The following THSD1 variants were observed in gnomAD, a reference collection of about 807,000 sequenced individuals.
THSD1 encodes the protein thrombospondin type 1 domain containing 1, also known as thrombospondin type-1 domain-containing protein 1.
Under a neutral mutation model 46.3 loss-of-function variants are expected in THSD1, and 34 were observed. The ratio of observed to expected loss-of-function variants is 0.74; its 90% CI spans 0.56 to 0.98. The LOEUF (loss-of-function observed/expected upper bound fraction) is 0.98, where lower values mean the gene tolerates loss of function less well. Ranked by LOEUF, THSD1 falls within the 50% of genes least tolerant of loss-of-function variation. The pLI, the probability that THSD1 is intolerant of heterozygous loss-of-function variation, is 0.00. For synonymous variants in THSD1, 407 were observed against 416.5 expected, an observed-to-expected ratio of 0.98 and a Z score of 0.28; for missense variants, 1,023 against 1,058.3, an observed-to-expected ratio of 0.97 and a Z score of 0.46.
intron 4 of THSD1, among the ~76,000 whole-genome samples, chr13:52,381,498 C>T (rs1375669208): frequency 1.3e-5 from 2 of 152,136 alleles, no homozygotes; most frequent in Non-Finnish European, 2.9e-5. Flanking sequence ...TCTAATAGGT[C>T]ACACACACAC....
chr13:52,398,413 G>T, intron 2 of THSD1: 2 of 651,772 alleles, frequency 3.1e-6, no homozygotes, highest in Non-Finnish European at 3.8e-6. Context: ...GGGACTACAG[G>T]CACATGCCAC....
Position 52,378,119 on chromosome 13 carries a change from G to T in THSD1, c.1851C>A (p.Ala617=), listed in dbSNP as rs770404962. The change falls in exon 5 of 5, where the codon GCC becomes GCA. Residue 617 remains alanine, a synonymous_variant. Transcript: ENST00000258613. ...GGATCAGAGTCTGGCTGGGGCTTATGGCACAACTGGCCTGAGTCACATTTA... is the reference window on the plus strand; with the variant it reads ...GGATCAGAGTCTGGCTGGGGCTTATTGCACAACTGGCCTGAGTCACATTTA... The part of the protein sequence containing the change: ...LDLNVTQASC[A]ISPSQTLIRK... 18 of 1,614,208 alleles carry T rather than the reference G, an allele frequency of 1.1e-5. No individual in the cohort carries two copies. The highest frequency in any genetic ancestry group is 1.5e-5 in the Non-Finnish European group (18 of 1,180,030).
intron 4 of THSD1, among the ~76,000 whole-genome samples, chr13:52,379,799 T>C (rs1288340603): frequency 6.6e-6 from 1 of 152,166 alleles, no homozygotes; most frequent in Non-Finnish European, 1.5e-5. Context: ...AAAGTCAGTG[T>C]TCACTTACGA....
intron 3 of THSD1, among the ~76,000 whole-genome samples, chr13:52,393,171 T>G (rs931441836): frequency 4.6e-5 from 7 of 152,196 alleles, no homozygotes; most frequent in African/African-American, 1.7e-4. Context: ...CTAACCTTTC[T>G]GTGCCTCCAT....
intron 4 of THSD1, among the ~76,000 whole-genome samples, chr13:52,382,043 A>C (rs575553714): frequency 6.6e-6 from 1 of 152,296 alleles, no homozygotes; most frequent in Non-Finnish European, 1.5e-5. Flanking sequence ...TTTGGTTTCA[A>C]TGAGAACATT....
In THSD1 at chr13:52,403,938, A is replaced by ATTTTT. The variant is rs67802176; in HGVS notation, c.-81-1262_-81-1258dup. On this transcript the variant is annotated intron_variant, in intron 1 of 4. Coordinates refer to ENST00000258613, the MANE Select transcript of THSD1 (RefSeq NM_018676.4). ...GTTTAAGGTCCCCCCCATTATTCAC[A>ATTTTT]TTTTTTTTTTTTTTTTTTTTTTTTT... Among the ~76,000 whole-genome samples, 157 of 63,922 alleles carry ATTTTT rather than the reference A, an allele frequency of 2.5e-3. 17 individuals are homozygous for ATTTTT. The highest frequency in any genetic ancestry group is 0.011 in the African/African-American group (146 of 12,792). The allele number at this position is 63,922 out of a possible 152,430, so 41.9% of individuals were successfully genotyped here. A position where few individuals can be genotyped will look rare whatever the true frequency, so the allele number is the denominator to read the frequency against.
chr13:52,380,042 CTT>C (rs1258868244), intron 4 of THSD1, among the ~76,000 whole-genome samples: 3 of 152,132 alleles, frequency 2.0e-5, no homozygotes, highest in African/African-American at 7.2e-5. Context: ...CATTCTCTCT[CTT>C]CTATTTTCAG....
rs778130298 is a variant in THSD1, at chr13:52,378,372, G to A, written c.1598C>T (p.Ala533Val). The change falls in exon 5 of 5, where the codon GCC becomes GTC. Residue 533 changes from alanine (A) to valine (V), a missense_variant. Coordinates refer to ENST00000258613, the MANE Select transcript of THSD1 (RefSeq NM_018676.4). ...IIPPLFSYRL[A>V]QQQLKEMKKK... is the part of the protein sequence containing the mutation. The stretch of plus-strand genomic sequence containing the variant: ...TTTCATCTCCTTTAACTGCTGCTGG[G>A]CAAGGCGGTAGCTGAACAGAGGTGG... 3 of 1,613,984 alleles carry A rather than the reference G, an allele frequency of 1.9e-6. No individual in the cohort carries two copies. The African/African-American group carries it at 4.0e-5, about 22-fold the overall frequency.
intron 3 of THSD1, among the ~76,000 whole-genome samples, chr13:52,391,915 A>G (rs531730733): frequency 1.4e-3 from 209 of 151,856 alleles, no homozygotes; most frequent in South Asian, 6.1e-3. Flanking sequence ...ATCATAGGCC[A>G]GGCACGGTGG....
At chr13:52,385,885 G>T (rs952352774) in intron 4 of THSD1, 143 bp downstream of exon 4, 1 of 678,534 alleles carries the variant, frequency 1.5e-6, no homozygotes. Flanking sequence ...CAAATACAGG[G>T]TTAGTACAAC....
intron 4 of THSD1, among the ~76,000 whole-genome samples, chr13:52,380,025 G>T (rs1317327962): frequency 2.0e-5 from 3 of 152,000 alleles, no homozygotes; most frequent in African/African-American, 7.3e-5. Context: ...AAGCGTTAAA[G>T]CCTCTGCATT....
At chr13:52,379,632 C>G (rs9536044) in intron 4 of THSD1, among the ~76,000 whole-genome samples, 11,146 of 152,096 alleles carry the variant, frequency 0.073, 560 homozygotes, top group African/African-American at 0.14. Context: ...ATGCCACCAC[C>G]CCTGGCTCAT....
In THSD1 at chr13:52,377,573, C is replaced by T. The variant is rs1172984943; in HGVS notation, c.2397G>A (p.Lys799=). Reference sequence around the variant, plus strand: ...CAGGGTGAGTGGGGAAGCTTTGACACTTGTCTTTTCTACACTGAGAAGGGC... The same window carrying T: ...CAGGGTGAGTGGGGAAGCTTTGACATTTGTCTTTTCTACACTGAGAAGGGC... ...SLSPSQCRKD[K]CQSFPTHPEF... is the part of the protein sequence containing the mutation. The change falls in exon 5 of 5, where the codon AAG becomes AAA. Residue 799 remains lysine, a synonymous_variant. Coordinates refer to ENST00000258613, the MANE Select transcript of THSD1 (RefSeq NM_018676.4). The T allele has an allele frequency of 6.2e-7, 1 of 1,600,282 alleles. No homozygotes were observed. Among genetic ancestry groups the T allele is most frequent in the Non-Finnish European group, 8.5e-7 (1 of 1,170,440 alleles).
chr13:52,403,976 C>A (rs1415763782), intron 1 of THSD1, among the ~76,000 whole-genome samples: 7 of 99,354 alleles, frequency 7.0e-5, no homozygotes, highest in Non-Finnish European at 1.1e-4. Context: ...TAGACAGAGT[C>A]TTGCTCTGTC....
intron 3 of THSD1, among the ~76,000 whole-genome samples, chr13:52,394,444 T>C (rs753506577): frequency 1.3e-5 from 2 of 151,968 alleles, no homozygotes; most frequent in Non-Finnish European, 2.9e-5. Context: ...CAAAACCCCG[T>C]CTCTACTAAA....
rs1233528019 is a variant in THSD1, at chr13:52,377,586, C to A, written c.2384G>T (p.Cys795Phe). 1.9e-6 allele frequency: 3 copies of A among 1,602,180 alleles called. No homozygotes were observed. The South Asian group carries it at 3.3e-5, about 18-fold the overall frequency. ...GAAGCTTTGACACTTGTCTTTTCTA[C>A]ACTGAGAAGGGCTCAGAGAACTGAC... is the stretch of plus-strand genomic sequence containing the variant. Reference protein sequence around the residue: ...QRVSSLSPSQCRKDKCQSFPT... With the variant: ...QRVSSLSPSQFRKDKCQSFPT... Residue 795 changes from cysteine to phenylalanine, a missense_variant, in exon 5 of 5, where the codon TGT (cysteine) becomes TTT (phenylalanine). Cys to Phe is a radical substitution (Grantham distance 205, BLOSUM62 -2). This residue lies in a region of THSD1 where 578 missense variants were observed against 497.4 expected (regional missense o/e 1.16). Transcript: ENST00000258613.
Position 52,397,443 on chromosome 13 carries a change from T to G in THSD1, c.810A>C (p.Gly270=). 1 of 1,614,128 alleles carries G rather than the reference T, an allele frequency of 6.2e-7. No homozygotes were observed. The highest frequency in any genetic ancestry group is 1.1e-5 in the South Asian group (1 of 91,074). ...VLPPPCTFVQ[G]VVTVFKEAPR... Reference sequence around the variant, plus strand: ...GGGCCTCCTTGAAGACAGTGACCACTCCTTGGACGAAGGTGCATGGTGGAG... The same window carrying G: ...GGGCCTCCTTGAAGACAGTGACCACGCCTTGGACGAAGGTGCATGGTGGAG... Residue 270 remains glycine, a synonymous_variant, in exon 3 of 5, where the codon GGA becomes GGC. Transcript: ENST00000258613.
In THSD1 at chr13:52,397,408, G is replaced by A; in HGVS notation, c.845C>T (p.Pro282Leu). The A allele has an allele frequency of 6.2e-7, 1 of 1,614,118 alleles. No individual in the cohort carries two copies. Among genetic ancestry groups the A allele is most frequent in the Non-Finnish European group, 8.5e-7 (1 of 1,180,018 alleles). The change falls in exon 3 of 5, where the codon CCT (proline) becomes CTT (leucine). Residue 282 changes from proline (P) to leucine (L), a missense_variant. By Grantham distance (98) the Pro-to-Leu change is moderately conservative. This residue lies in a region of THSD1 where 429 missense variants were observed against 518.3 expected (regional missense o/e 0.83). Transcript: ENST00000258613. ...VTVFKEAPRY[P>L]GKRTIHLAEN... ...AGCCAAGTGAATGGTCCTCTTCCCA[G>A]GGTATCTGGGGGCCTCCTTGAAGAC...
Position 52,377,899 on chromosome 13 carries a change from C to T in THSD1, c.2071G>A (p.Ala691Thr). Reference protein sequence around the residue: ...YSSRTRTCEQAEDRFRPQSRG... With the variant: ...YSSRTRTCEQTEDRFRPQSRG... ...CTCTGAGGCCTAAATCTGTCCTCTG[C>T]CTGCTCGCAGGTCCGCGTCCTAGAG... Residue 691 changes from alanine to threonine, a missense_variant, in exon 5 of 5, where the codon GCA becomes ACA. By Grantham distance (58) the Ala-to-Thr change is moderately conservative. Around this residue, in one of 3 missense-constraint regions of THSD1, gnomAD observed 578 missense variants for 497.4 expected, o/e 1.16. Coordinates refer to ENST00000258613, the MANE Select transcript of THSD1 (RefSeq NM_018676.4). The T allele has an allele frequency of 6.2e-7, 1 of 1,614,210 alleles. No individual in the cohort carries two copies. The highest frequency in any genetic ancestry group is 2.2e-5 in the East Asian group (1 of 44,884).
Sources: allele counts gnomAD v4.1 joint callset (sites outside exome capture counted in the v4.1 genomes callset), GRCh38; gene constraint gnomAD v4.1.1; regional missense constraint gnomAD v4.1.1; transcripts MANE v1.5; gene names NCBI Gene and HGNC (gene_info 2026-07-23, HGNC 2026-07-21).